CACNA1C: variants seen among roughly 807,000 people sequenced by gnomAD.
CACNA1C encodes calcium voltage-gated channel subunit alpha1 C.
A neutral mutation model predicts 229.0 loss-of-function variants in CACNA1C; 30 were observed. The ratio of observed to expected loss-of-function variants is 0.13; its 90% CI spans 0.10 to 0.18. The LOEUF (loss-of-function observed/expected upper bound fraction) is 0.18. CACNA1C is among the 10% of genes least tolerant of loss of function. The pLI is 1.00. For missense variants in CACNA1C, 1,658 were observed against 2,845.0 expected (o/e 0.58, Z 9.49); for synonymous variants, 1,114 against 1,132.5 (o/e 0.98, Z 0.33).
chr12:2,165,268 G>A (rs2096152121), intron 3 of CACNA1C, among the ~76,000 whole-genome samples: 1 of 152,210 alleles, frequency 6.6e-6, no homozygotes, highest in African/African-American at 2.4e-5. Context: ...AACAAATCCA[G>A]TGATAAGAAA....
intron 3 of CACNA1C, among the ~76,000 whole-genome samples, chr12:2,365,091 C>G (rs977702439): frequency 6.6e-6 from 1 of 152,208 alleles, no homozygotes; most frequent in Non-Finnish European, 1.5e-5. Context: ...CAGCTTTATC[C>G]CAAGTAGTGG....
At position 2,633,837 on chromosome 12, in the gene CACNA1C, C is replaced by G; in HGVS notation, c.3829-460C>G. ...GTTTTTTTTAATTTCCTGTTTTTACCCGCCTCCAGTCATGCCTTTTATTGA... is the reference window on the plus strand; with the variant it reads ...GTTTTTTTTAATTTCCTGTTTTTACGCGCCTCCAGTCATGCCTTTTATTGA... On this transcript the variant is annotated intron_variant, in intron 29 of 46. Transcript: ENST00000399655. The surrounding 1 kb of genome is among the most constrained non-coding windows in gnomAD (Gnocchi z 5.8). 6.2e-6 allele frequency: 4 copies of G among 644,346 alleles called. No individual in the cohort carries two copies. The highest frequency in any genetic ancestry group is 1.1e-5 in the Non-Finnish European group (4 of 366,214). 39.9% of individuals were successfully genotyped at this position (644,346 alleles called of 1,614,324 possible).
chr12:2,673,601 G>C (rs1477987394), intron 38 of CACNA1C, among the ~76,000 whole-genome samples: 1 of 152,150 alleles, frequency 6.6e-6, no homozygotes, highest in Admixed American at 6.5e-5. Flanking sequence ...TGGAGGCTCT[G>C]GGGGAGATCA....
chr12:2,420,441 C>T (rs1332842109), intron 3 of CACNA1C, among the ~76,000 whole-genome samples: 1 of 152,200 alleles, frequency 6.6e-6, no homozygotes, highest in Admixed American at 6.5e-5. Flanking sequence ...GGCTTCTTGT[C>T]TCAGAGCTGT....
intron 3 of CACNA1C, among the ~76,000 whole-genome samples, chr12:2,178,804 T>G (rs10848624): frequency 0.34 from 51,267 of 152,008 alleles, 9,377 homozygotes; most frequent in South Asian, 0.42. Flanking sequence ...GCTCTTGCTT[T>G]TAATCTCAGC....
intron 3 of CACNA1C, among the ~76,000 whole-genome samples, chr12:2,254,061 C>T (rs1262068016): frequency 6.6e-6 from 1 of 152,162 alleles, no homozygotes; most frequent in Non-Finnish European, 1.5e-5. Context: ...ACTGGGTGAC[C>T]AACCTCACCT....
chr12:2,351,954 T>A (rs1387290124), intron 3 of CACNA1C, among the ~76,000 whole-genome samples: 1 of 152,182 alleles, frequency 6.6e-6, no homozygotes, highest in Admixed American at 6.5e-5. Flanking sequence ...CTTGTCAGGT[T>A]TTCTGTCTGC....
At chr12:2,507,927 C>G (rs1157305655) in intron 8 of CACNA1C, among the ~76,000 whole-genome samples, 1 of 152,202 alleles carries the variant, frequency 6.6e-6, no homozygotes, top group South Asian at 2.1e-4. Context: ...AGGGGAAGAG[C>G]AGAAGCTGCA....
chr12:2,193,682 C>T (rs973952247), intron 3 of CACNA1C, among the ~76,000 whole-genome samples: 1 of 152,312 alleles, frequency 6.6e-6, no homozygotes. Context: ...CCCACCCAGC[C>T]GAGGAGGCCC....
chr12:2,405,471 A>C (rs2098726642), intron 3 of CACNA1C, among the ~76,000 whole-genome samples: 1 of 151,950 alleles, frequency 6.6e-6, no homozygotes, highest in Non-Finnish European at 1.5e-5. Flanking sequence ...CCATCTCTAT[A>C]ATTTTGTCAT....
intron 6 of CACNA1C, among the ~76,000 whole-genome samples, chr12:2,490,946 G>A (rs2099723802): frequency 6.6e-6 from 1 of 152,294 alleles, no homozygotes; most frequent in East Asian, 1.9e-4. Context: ...GAATAAGCCA[G>A]GAAGCAGCAT....
intron 3 of CACNA1C, among the ~76,000 whole-genome samples, chr12:2,358,295 GTGTGTGTGTGTGTC>G (rs1298798114): frequency 1.6e-5 from 2 of 128,196 alleles, no homozygotes; most frequent in African/African-American, 7.2e-5. Flanking sequence ...GTGTGTGTGT[GTGTGTGTGTGTGTC>G]TCTTTGTCAT....
At chr12:2,189,160 T>C (rs550885304) in intron 3 of CACNA1C, among the ~76,000 whole-genome samples, 2 of 149,316 alleles carry the variant, frequency 1.3e-5, no homozygotes, top group African/African-American at 4.9e-5. Context: ...TCAGCTTTTC[T>C]AAGTGTTGGG....
rs2095192370 is a variant in CACNA1C, at chr12:2,653,152, A to G, written c.4075-683A>G. Among the ~76,000 whole-genome samples, 1 of 152,252 alleles carries G rather than the reference A, an allele frequency of 6.6e-6. No homozygotes were observed. Among genetic ancestry groups the G allele is most frequent in the African/African-American group, 2.4e-5 (1 of 41,468 alleles). Reference sequence around the variant, plus strand: ...GCCAGGCAGATAATGCATGGAGCGAATAGAGCGTATGGAACCCAGCTCTGC... The same window carrying G: ...GCCAGGCAGATAATGCATGGAGCGAGTAGAGCGTATGGAACCCAGCTCTGC... On this transcript the variant is annotated intron_variant, in intron 32 of 46. Coordinates refer to ENST00000399655, the MANE Select transcript of CACNA1C (RefSeq NM_000719.7). The surrounding 1 kb of genome is among the most constrained non-coding windows in gnomAD (Gnocchi z 4.7).
At chr12:2,017,916 C>T (rs1277452497) in intron 1 of CACNA1C, among the ~76,000 whole-genome samples, 1 of 152,166 alleles carries the variant, frequency 6.6e-6, no homozygotes, top group Non-Finnish European at 1.5e-5. Flanking sequence ...AAAACCATTG[C>T]TTGCCTTCTA....
chr12:2,676,991 TAA>T (rs2096854305), intron 39 of CACNA1C, 101 bp from the exon 40 acceptor site: 15 of 949,206 alleles, frequency 1.6e-5, no homozygotes, highest in Admixed American at 6.7e-5. Context: ...CCAAAAATAT[TAA>T]AGTTTTAAAA....
chr12:2,690,863 C>A (rs1299536264), intron 46 of CACNA1C, 37 bp from the exon 47 acceptor site: 1 of 1,505,368 alleles, frequency 6.6e-7, no homozygotes. Flanking sequence ...GAGTAATGTT[C>A]CTTTGGTTCT....
chr12:2,181,028 C>T lies in CACNA1C; in HGVS notation c.477+60598C>T, dbSNP rs2154280552. Among the ~76,000 whole-genome samples the T allele has an allele frequency of 6.6e-6, 1 of 152,258 alleles. No homozygotes were observed. The highest frequency in any genetic ancestry group is 1.9e-4 in the East Asian group (1 of 5,170). On this transcript the variant is annotated intron_variant, in intron 3 of 46. Coordinates refer to ENST00000399655, the MANE Select transcript of CACNA1C (RefSeq NM_000719.7). This position sits in a 1 kb window ranked among gnomAD's most constrained non-coding sequence, Gnocchi z 4.0. The stretch of plus-strand genomic sequence containing the variant: ...AACATAACCCTCAAATCTGCACTCC[C>T]CTATTACGTGTTTGGGCAACTGAGT...
At chr12:2,434,257 C>T (rs531068342) in intron 3 of CACNA1C, among the ~76,000 whole-genome samples, 1 of 152,310 alleles carries the variant, frequency 6.6e-6, no homozygotes, top group East Asian at 1.9e-4. Flanking sequence ...ACGGGGAGGC[C>T]ATCACATCTC....
Sources: gnomAD v4.1 joint callset for allele counts (sites outside exome capture counted in the v4.1 genomes callset) on GRCh38, gnomAD v4.1.1 for gene constraint, Gnocchi (gnomAD v3.1) non-coding constraint, MANE v1.5 for transcripts, NCBI Gene and HGNC (gene_info 2026-07-23, HGNC 2026-07-21) for gene names.